The following ANKRD17 variants were observed in gnomAD, a reference collection of about 807,000 sequenced individuals.
The protein encoded by ANKRD17 is ankyrin repeat domain 17.
Under a neutral mutation model 229.7 loss-of-function variants are expected in ANKRD17, and 19 were observed. The ratio of observed to expected loss-of-function variants is 0.08; its 90% CI spans 0.06 to 0.12. The LOEUF (loss-of-function observed/expected upper bound fraction) is 0.12. Among genes scored for constraint, ANKRD17 ranks in the 10% least tolerant of loss-of-function variants. The pLI is 1.00. For synonymous variants in ANKRD17, 1,112 were observed against 1,146.1 expected (o/e 0.97, Z 0.60); for missense variants, 2,176 against 3,176.8 (o/e 0.68, Z 7.57).
intron 1 of ANKRD17, among the ~76,000 whole-genome samples, chr4:73,189,379 C>T (rs575968905): frequency 1.4e-4 from 20 of 147,138 alleles, no homozygotes; most frequent in East Asian, 1.2e-3. Flanking sequence ...CATACATATA[C>T]GGTGATATTC....
chr4:73,086,919 A>ATAT (rs1553911001), intron 29 of ANKRD17, among the ~76,000 whole-genome samples: 13 of 12,456 alleles, frequency 1.0e-3, no homozygotes, highest in Admixed American at 1.5e-3. Flanking sequence ...AAAAAAAAAA[A>ATAT]ATATATATAT....
chr4:73,091,450 G>T lies in ANKRD17; in HGVS notation c.6178C>A (p.Pro2060Thr). Residue 2060 changes from proline (P) to threonine (T), a missense_variant, in exon 29 of 34, where the codon CCT (proline) becomes ACT (threonine). By Grantham distance (38) the Pro-to-Thr change is conservative (BLOSUM62 -1). Transcript: ENST00000358602. The part of the protein sequence containing the change: ...AQPGGVSRNS[P>T]LDCGSASPNK... ...GGAGATGCTGATCCACAATCCAAAG[G>T]GCTGTTTCTAGAAACCCCTCCTGGC... The T allele has an allele frequency of 6.2e-7, 1 of 1,614,158 alleles. No homozygotes were observed. Among genetic ancestry groups the T allele is most frequent in the Non-Finnish European group, 8.5e-7 (1 of 1,180,024 alleles).
chr4:73,078,675 T>G lies in ANKRD17; in HGVS notation c.7375A>C (p.Ile2459Leu), dbSNP rs565396164. 1.2e-6 allele frequency: 2 copies of G among 1,614,224 alleles called. No individual in the cohort carries two copies. The highest frequency in any genetic ancestry group is 1.7e-6 in the Non-Finnish European group (2 of 1,180,028). ...CCACCAATCCCTTCAAAGGACCAGA[T>G]GCCACTATGTCCTACTGATGTAGAC... ...NLSTSVGHSGIWSFEGIGGNQ... is the reference protein window; with the variant it reads ...NLSTSVGHSGLWSFEGIGGNQ... The change falls in exon 31 of 34, where the codon ATC (isoleucine) becomes CTC (leucine). Residue 2459 changes from isoleucine (I) to leucine (L), a missense_variant. Physicochemically the swap from Ile to Leu is conservative, Grantham distance 5 (BLOSUM62 2). Transcript: ENST00000358602.
intron 25 of ANKRD17, among the ~76,000 whole-genome samples, chr4:73,100,285 A>G (rs781683759): frequency 1.3e-5 from 2 of 152,030 alleles, no homozygotes; most frequent in Admixed American, 6.6e-5. Flanking sequence ...CCCAGTCCCA[A>G]GGAAGGTGGG....
Position 73,090,773 on chromosome 4 carries a change from T to C in ANKRD17, c.6855A>G (p.Ser2285=), listed in dbSNP as rs1371236480. 3.7e-6 allele frequency: 6 copies of C among 1,614,080 alleles called. No homozygotes were observed. ...SSQSTPESML[S]GKSSYLPNSD... Reference sequence around the variant, plus strand: ...AATTTGGCAAATATGAGGATTTTCCTGATAGCATAGATTCTGGTGTTGACT... The same window carrying C: ...AATTTGGCAAATATGAGGATTTTCCCGATAGCATAGATTCTGGTGTTGACT... Residue 2285 remains serine, a synonymous_variant, in exon 29 of 34, where the codon TCA becomes TCG. Coordinates refer to ENST00000358602, the MANE Select transcript of ANKRD17 (RefSeq NM_032217.5).
At chr4:73,098,672 T>C (rs1182182222) in intron 25 of ANKRD17, 152 bp from the exon 26 acceptor site, 6 of 844,670 alleles carry the variant, frequency 7.1e-6, no homozygotes, top group African/African-American at 5.1e-5. Context: ...ATGAGCTGGA[T>C]AGGACTGATA....
intron 1 of ANKRD17, among the ~76,000 whole-genome samples, chr4:73,233,481 G>T (rs1226353164): frequency 6.6e-6 from 1 of 152,122 alleles, no homozygotes; most frequent in African/African-American, 2.4e-5. Context: ...TTAATTTTAT[G>T]TTGTTTAGAC....
At chr4:73,221,038 C>G (rs1741781779) in intron 1 of ANKRD17, among the ~76,000 whole-genome samples, 1 of 152,058 alleles carries the variant, frequency 6.6e-6, no homozygotes, top group Non-Finnish European at 1.5e-5. Flanking sequence ...TCTTTGCACT[C>G]TGTATTTTTA....
intron 1 of ANKRD17, among the ~76,000 whole-genome samples, chr4:73,190,585 C>A (rs373122589): frequency 4.3e-4 from 64 of 149,564 alleles, no homozygotes; most frequent in African/African-American, 1.6e-3. Context: ...CAAAAAAAAC[C>A]TGTAAGGGTG....
intron 29 of ANKRD17, among the ~76,000 whole-genome samples, chr4:73,089,710 G>GT (rs937950314): frequency 8.6e-5 from 13 of 151,970 alleles, no homozygotes; most frequent in East Asian, 1.9e-4. Flanking sequence ...AAAGTAAAAA[G>GT]TTTTTTTTAA....
chr4:73,147,330 CCTGCCTTAATTAGAAAGT>C lies in ANKRD17; in HGVS notation c.1652_1669del (p.Asp551_Ala556del), dbSNP rs760664869. The C allele has an allele frequency of 6.2e-7, 1 of 1,610,110 alleles. No individual in the cohort carries two copies. Among genetic ancestry groups the C allele is most frequent in the African/African-American group, 1.3e-5 (1 of 74,858 alleles). The stretch of plus-strand genomic sequence containing the variant: ...AGAACACCCTAGTTCTATATCGGCT[CCTGCCTTAATTAGAAAGT>C]CTGCCACTTCCAGAAAGCCTCCACA... On this transcript the variant is annotated inframe_deletion, in exon 9 of 34. Transcript: ENST00000358602.
At chr4:73,081,264 C>G (rs1721530102) in intron 30 of ANKRD17, among the ~76,000 whole-genome samples, 1 of 152,020 alleles carries the variant, frequency 6.6e-6, no homozygotes, top group Admixed American at 6.6e-5. Context: ...TGTGCATATA[C>G]AAGGTAAGAT....
intron 15 of ANKRD17, among the ~76,000 whole-genome samples, chr4:73,137,312 G>A (rs1182652079): frequency 6.6e-6 from 1 of 152,132 alleles, no homozygotes; most frequent in African/African-American, 2.4e-5. Context: ...GCAAGGTGTT[G>A]AGACAGGTTA....
intron 9 of ANKRD17, 150 bp downstream of exon 9, chr4:73,147,090 TA>T: frequency 1.2e-6 from 1 of 835,732 alleles, no homozygotes. Flanking sequence ...AGCAGTAAGG[TA>T]AACTGTTCAG....
intron 2 of ANKRD17, among the ~76,000 whole-genome samples, chr4:73,166,694 C>T (rs576372573): frequency 4.2e-4 from 63 of 150,276 alleles, no homozygotes; most frequent in African/African-American, 1.5e-3. Context: ...AAATACAACA[C>T]ACAGAAGCAC....
intron 1 of ANKRD17, among the ~76,000 whole-genome samples, chr4:73,213,476 C>A (rs374673457): frequency 1.3e-5 from 2 of 152,262 alleles, no homozygotes; most frequent in Non-Finnish European, 2.9e-5. Context: ...CCAGACAGCA[C>A]AGAACACCAA....
Position 73,098,155 on chromosome 4 carries a change from C to A in ANKRD17, c.4939G>T (p.Val1647Leu), listed in dbSNP as rs776403062. The A allele has an allele frequency of 5.6e-6, 9 of 1,614,084 alleles. No homozygotes were observed. Among genetic ancestry groups the A allele is most frequent in the Middle Eastern group, 1.6e-4 (1 of 6,080 alleles). Residue 1647 changes from valine to leucine, a missense_variant, in exon 26 of 34, where the codon GTG becomes TTG. Physicochemically the swap from Val to Leu is conservative, Grantham distance 32. Transcript: ENST00000358602. ...ACTGATGGCTGCTTTTTGCTGCTCA[C>A]AGTGGTAGTGACCACAGCTGGTGAA... is the stretch of plus-strand genomic sequence containing the variant. The part of the protein sequence containing the change: ...NHSPAVVTTT[V>L]SSKKQPSVLV...
At chr4:73,193,080 A>T (rs190071685) in intron 1 of ANKRD17, among the ~76,000 whole-genome samples, 1 of 152,326 alleles carries the variant, frequency 6.6e-6, no homozygotes, top group East Asian at 1.9e-4. Flanking sequence ...GTCCATTTGT[A>T]GGCAATCATG....
At chr4:73,198,134 T>G (rs758890948) in intron 1 of ANKRD17, among the ~76,000 whole-genome samples, 1 of 152,146 alleles carries the variant, frequency 6.6e-6, no homozygotes, top group Non-Finnish European at 1.5e-5. Context: ...CCAAACAAAT[T>G]AAAACATGTG....
Sources: gnomAD v4.1 joint callset for allele counts (sites outside exome capture counted in the v4.1 genomes callset) on GRCh38, gnomAD v4.1.1 for gene constraint, MANE v1.5 for transcripts, NCBI Gene and HGNC (gene_info 2026-07-23, HGNC 2026-07-21) for gene names.